The following CXorf58 variants were observed in gnomAD, a reference collection of about 807,000 sequenced individuals.
CXorf58 encodes uncharacterized protein CXorf58.
Under a neutral mutation model 26.0 loss-of-function variants are expected in CXorf58, and 24 were observed. The observed-to-expected ratio is 0.92, with a 90% CI of 0.67 to 1.30. The LOEUF (loss-of-function observed/expected upper bound fraction) is 1.30. Ranked by LOEUF, CXorf58 falls within the 50% of genes most tolerant of loss-of-function variation. The pLI is 0.00. For missense variants in CXorf58, 236 were observed against 263.9 expected (o/e 0.89, Z 0.73); for synonymous variants, 87 against 86.1 (o/e 1.01, Z -0.06).
chrX:23,930,589 G>A (rs1366432305), intron 6 of CXorf58, among the ~76,000 whole-genome samples: 4 of 88,174 alleles, frequency 4.5e-5, no homozygotes, highest in African/African-American at 1.6e-4. Context: ...GGGCAACAGA[G>A]TGAGACCCTG....
At chrX:23,910,808 C>CA (rs1317417167) in intron 2 of CXorf58, among the ~76,000 whole-genome samples, 1 of 100,951 alleles carries the variant, frequency 9.9e-6, no homozygotes, top group African/African-American at 3.7e-5. Context: ...CTCTGCCACC[C>CA]AGGCTGGAGT....
At chrX:23,932,730 C>T (rs1191186245) in intron 6 of CXorf58, among the ~76,000 whole-genome samples, 20 of 111,939 alleles carry the variant, frequency 1.8e-4, no homozygotes, top group Non-Finnish European at 3.6e-4. Context: ...CGTGGTGGCT[C>T]ATGCCTGTAA....
chrX:23,938,423 G>A (rs1928347484), intron 7 of CXorf58, 124 bp from the exon 8 acceptor site: 6 of 471,638 alleles, frequency 1.3e-5, no homozygotes, highest in Non-Finnish European at 2.1e-5. Context: ...ATGAAATGCT[G>A]CTCCAATGTT....
At chrX:23,932,299 A>G (rs1928181243) in intron 6 of CXorf58, among the ~76,000 whole-genome samples, 1 of 111,983 alleles carries the variant, frequency 8.9e-6, no homozygotes, top group Non-Finnish European at 1.9e-5. Context: ...TCTTTTTATC[A>G]TAGCCACTTT....
intron 5 of CXorf58, among the ~76,000 whole-genome samples, chrX:23,920,010 ATC>A (rs764754089): frequency 4.4e-5 from 5 of 112,545 alleles, no homozygotes; most frequent in African/African-American, 6.5e-5. Flanking sequence ...AATAAATGGA[ATC>A]TCTCTCTTTC....
intron 6 of CXorf58, among the ~76,000 whole-genome samples, chrX:23,928,184 CT>C (rs376760305): frequency 0.033 from 3,410 of 103,482 alleles, 122 homozygotes; most frequent in African/African-American, 0.1. Context: ...GAGTTACATA[CT>C]TTTTTTTTTT....
rs764898494 is a variant in CXorf58 at position 23,935,381 on chromosome X, G to A, written c.741G>A (p.Thr247=). ...EMKFLLQRPV[T]QEIHKHQLRI... Reference sequence around the variant, plus strand: ...AGTTTCTGTTACAGAGACCAGTAACGCAAGAGATCCATAAGCACCAGCTAC... The same window carrying A: ...AGTTTCTGTTACAGAGACCAGTAACACAAGAGATCCATAAGCACCAGCTAC... Residue 247 remains threonine, a synonymous_variant, in exon 7 of 9, where the codon ACG becomes ACA. Transcript: ENST00000379211. The A allele has an allele frequency of 5.0e-6, 6 of 1,206,925 alleles. No individual in the cohort carries two copies. The South Asian group carries it at 5.3e-5, about 11-fold the overall frequency.
At chrX:23,910,486 G>C (rs1220398008) in intron 2 of CXorf58, 68 bp downstream of exon 2, 1 of 566,495 alleles carries the variant, frequency 1.8e-6, no homozygotes, top group Admixed American at 3.6e-5. Context: ...TACTTATTCA[G>C]ATAACTTCAA....
intron 6 of CXorf58, among the ~76,000 whole-genome samples, chrX:23,928,149 C>T (rs1928063928): frequency 9.0e-6 from 1 of 110,525 alleles, no homozygotes; most frequent in Admixed American, 9.7e-5. Flanking sequence ...AGTTGCACAA[C>T]ATTGTGAATA....
chrX:23,913,005 A>C lies in CXorf58; in HGVS notation c.216+1149A>C, dbSNP rs73625191. ...TCAGTTAAAAAAGCAAGCACCAGAC[A>C]GTATGAAGAGCATGATCCTACTTGA... On this transcript the variant is annotated intron_variant, in intron 3 of 8. Coordinates refer to ENST00000379211, the MANE Select transcript of CXorf58 (RefSeq NM_152761.3). 3.7e-3 allele frequency among the ~76,000 whole-genome samples: 410 copies of C among 109,990 alleles called. 1 individual carries two copies. Among genetic ancestry groups the C allele is most frequent in the African/African-American group, 0.013 (396 of 30,290 alleles).
intron 5 of CXorf58, among the ~76,000 whole-genome samples, chrX:23,924,317 T>TATTG (rs201723343): frequency 0.075 from 7,975 of 106,782 alleles, 644 homozygotes; most frequent in African/African-American, 0.24. Flanking sequence ...TTTATTTATT[T>TATTG]ATTTATTTAT....
At chrX:23,918,229 T>C (rs954530697) in intron 5 of CXorf58, among the ~76,000 whole-genome samples, 2 of 111,840 alleles carry the variant, frequency 1.8e-5, no homozygotes, top group African/African-American at 6.5e-5. Context: ...TTCTCTTCCT[T>C]CTTTCCTTCC....
Position 23,935,294 on chromosome X carries a change from G to A in CXorf58, c.654G>A (p.Met218Ile), listed in dbSNP as rs371158194. The A allele has an allele frequency of 5.0e-6, 6 of 1,204,274 alleles. No homozygotes were observed. In the Admixed American group the frequency reaches 1.1e-4, roughly 22 times the overall value. ...NLENIPRTML[M>I]YDIVHYSESG... Reference sequence around the variant, plus strand: ...AAAATATTCCCAGGACAATGCTAATGTATGACATAGTTCATTATTCAGAGT... The same window carrying A: ...AAAATATTCCCAGGACAATGCTAATATATGACATAGTTCATTATTCAGAGT... The change falls in exon 7 of 9, where the codon ATG becomes ATA. Residue 218 changes from methionine to isoleucine, a missense_variant. Met to Ile is a conservative substitution (Grantham distance 10, BLOSUM62 1). Transcript: ENST00000379211.
chrX:23,933,139 G>GA (rs113866210), intron 6 of CXorf58, among the ~76,000 whole-genome samples: 14,695 of 102,861 alleles, frequency 0.14, 1,058 homozygotes, highest in African/African-American at 0.25. Context: ...TCCAGAAAAG[G>GA]AAAAAAAAAA....
At chrX:23,923,500 A>G (rs183403705) in intron 5 of CXorf58, among the ~76,000 whole-genome samples, 8 of 110,080 alleles carry the variant, frequency 7.3e-5, no homozygotes, top group Non-Finnish European at 1.1e-4. Flanking sequence ...TTAGCCAGGC[A>G]TGGTGGCACG....
intron 6 of CXorf58, among the ~76,000 whole-genome samples, chrX:23,931,653 T>C (rs1200182211): frequency 8.9e-6 from 1 of 112,105 alleles, no homozygotes; most frequent in Non-Finnish European, 1.9e-5. Context: ...CAAAGCAAAC[T>C]TAATAATTTG....
chrX:23,909,334 G>A (rs1003774465), intron 1 of CXorf58, among the ~76,000 whole-genome samples: 1 of 110,968 alleles, frequency 9.0e-6, no homozygotes, highest in Non-Finnish European at 1.9e-5. Context: ...AGCCACAGTA[G>A]TATTAACATT....
intron 6 of CXorf58, among the ~76,000 whole-genome samples, chrX:23,929,383 G>T (rs1928096420): frequency 1.0e-5 from 1 of 96,281 alleles, no homozygotes; most frequent in Non-Finnish European, 2.0e-5. Flanking sequence ...TCCAGTCTGG[G>T]CAATAGAGTG....
At chrX:23,935,513 G>A (rs928889942) in intron 7 of CXorf58, 88 bp downstream of exon 7, 7 of 644,702 alleles carry the variant, frequency 1.1e-5, no homozygotes, top group Admixed American at 6.6e-5. Flanking sequence ...AAAGATAAGA[G>A]GATATATGGG....
Sources: allele counts gnomAD v4.1 joint callset (sites outside exome capture counted in the v4.1 genomes callset), GRCh38; gene constraint gnomAD v4.1.1; transcripts MANE v1.5; gene names NCBI Gene and HGNC (gene_info 2026-07-23, HGNC 2026-07-21).